COPS5: variants seen among roughly 807,000 people sequenced by gnomAD.
COPS5 encodes COP9 signalosome complex subunit 5.
A neutral mutation model predicts 44.4 loss-of-function variants in COPS5; 8 were observed. The ratio of observed to expected loss-of-function variants is 0.18; its 90% confidence interval spans 0.11 to 0.32. The LOEUF (loss-of-function observed/expected upper bound fraction) is 0.32. Ranked by LOEUF, COPS5 falls within the 10% of genes least tolerant of loss-of-function variation. The pLI is 1.00. For missense variants in COPS5, 159 were observed against 406.4 expected, an observed-to-expected ratio of 0.39 and a Z score of 5.23; for synonymous variants, 122 against 142.8, an observed-to-expected ratio of 0.85 and a Z score of 1.04.
intron 5 of COPS5, among the ~76,000 whole-genome samples, chr8:67,052,296 T>C (rs1423839860): frequency 6.6e-6 from 1 of 151,274 alleles, no homozygotes; most frequent in East Asian, 2.0e-4. Context: ...AGGAAAGACA[T>C]GTAAGAGATA....
chr8:67,043,455 T>C (rs936590292), intron 7 of COPS5, 138 bp from the exon 8 acceptor site: 2 of 525,790 alleles, frequency 3.8e-6, no homozygotes, highest in Admixed American at 7.9e-5. Flanking sequence ...AATCTGAAGT[T>C]TTCCCTTGTG....
At chr8:67,060,734 A>G in intron 1 of COPS5, 1 of 314,754 alleles carries the variant, frequency 3.2e-6, no homozygotes, top group Non-Finnish European at 6.3e-6. Flanking sequence ...CAGCTGTGAG[A>G]TTTGATCTTA....
intron 1 of COPS5, chr8:67,060,556 G>A (rs1804575319): frequency 8.0e-7 from 1 of 1,254,264 alleles, no homozygotes; most frequent in Non-Finnish European, 1.0e-6. Flanking sequence ...CTGGAGAAAA[G>A]AAGAAAGACA....
intron 5 of COPS5, among the ~76,000 whole-genome samples, chr8:67,054,050 A>G (rs1295868031): frequency 1.3e-5 from 2 of 152,050 alleles, no homozygotes; most frequent in Non-Finnish European, 2.9e-5. Context: ...CCAGGTTCAA[A>G]ATTCTAGTCT....
chr8:67,059,555 GGGAGT>G, intron 1 of COPS5, 110 bp from the exon 2 acceptor site: 1 of 777,174 alleles, frequency 1.3e-6, no homozygotes, highest in South Asian at 1.7e-5. Flanking sequence ...GCGATGGAAA[GGGAGT>G]GTAGACTACG....
At chr8:67,043,569 AG>A (rs1383738401) in intron 7 of COPS5, 1 of 283,688 alleles carries the variant, frequency 3.5e-6, no homozygotes, top group Non-Finnish European at 6.5e-6. Context: ...CTGTTTTAGA[AG>A]GTGAGTAAAA....
chr8:67,056,144 G>C (rs1031069739), intron 5 of COPS5, among the ~76,000 whole-genome samples: 1 of 151,968 alleles, frequency 6.6e-6, no homozygotes, highest in Non-Finnish European at 1.5e-5. Flanking sequence ...ATGCTAGTTT[G>C]AAACATTAAT....
intron 4 of COPS5, among the ~76,000 whole-genome samples, chr8:67,056,836 G>C (rs747527929): frequency 3.3e-5 from 5 of 150,826 alleles, no homozygotes; most frequent in Non-Finnish European, 5.9e-5. Flanking sequence ...CCCCCACCCA[G>C]TTTGGTGGCT....
At chr8:67,061,822 C>T (rs1255968733) in intron 1 of COPS5, 32 bp downstream of exon 1, 1 of 1,610,730 alleles carries the variant, frequency 6.2e-7, no homozygotes, top group Non-Finnish European at 8.5e-7. Flanking sequence ...CCACCCTTTC[C>T]CTCCCCTGCG....
Position 67,050,504 on chromosome 8 carries a change from T to C in COPS5, c.771+726A>G, listed in dbSNP as rs1224521668. Among the ~76,000 whole-genome samples the C allele has an allele frequency of 2.6e-5, 4 of 151,954 alleles. No individual in the cohort carries two copies. In the East Asian group the frequency reaches 5.8e-4, roughly 22 times the overall value. On this transcript the variant is annotated intron_variant, in intron 6 of 7. Transcript: ENST00000357849. ...ACCAGGCCTAAACATGGGCATGTGATTAAGTAAAGCCAGTCAGACACAATG... is the reference window on the plus strand; with the variant it reads ...ACCAGGCCTAAACATGGGCATGTGACTAAGTAAAGCCAGTCAGACACAATG...
At chr8:67,051,945 A>G (rs1180603186) in intron 5 of COPS5, among the ~76,000 whole-genome samples, 1 of 152,200 alleles carries the variant, frequency 6.6e-6, no homozygotes, top group African/African-American at 2.4e-5. Flanking sequence ...TCTTAAACTT[A>G]CACATGCTTC....
chr8:67,046,004 C>T, intron 6 of COPS5, 44 bp from the exon 7 acceptor site: 2 of 1,557,872 alleles, frequency 1.3e-6, no homozygotes, highest in Non-Finnish European at 1.8e-6. Context: ...CACAAGTCTA[C>T]CATTTAAAAA....
At chr8:67,046,020 ATATTT>A in intron 6 of COPS5, 60 bp from the exon 7 acceptor site, 1 of 1,485,818 alleles carries the variant, frequency 6.7e-7, no homozygotes, top group East Asian at 2.3e-5. Context: ...AAAAATCTGT[ATATTT>A]TAATGTAAAC....
intron 2 of COPS5, among the ~76,000 whole-genome samples, chr8:67,058,766 A>T (rs1182244696): frequency 6.6e-6 from 1 of 152,112 alleles, no homozygotes; most frequent in Non-Finnish European, 1.5e-5. Flanking sequence ...GCACTTTGGG[A>T]GGCTGAGGTG....
intron 4 of COPS5, 43 bp from the exon 5 acceptor site, chr8:67,056,647 AAAAAAATATATATATAT>A (rs1563447139): frequency 5.5e-5 from 5 of 91,410 alleles, no homozygotes; most frequent in Admixed American, 1.8e-4. Flanking sequence ...AAAAAAAAAA[AAAAAAATATATATATAT>A]ATATATATAT....
chr8:67,045,798 A>G lies in COPS5; in HGVS notation c.920+14T>C. 2 of 1,613,720 alleles carry G rather than the reference A, an allele frequency of 1.2e-6. No homozygotes were observed. The highest frequency in any genetic ancestry group is 1.1e-5 in the South Asian group (1 of 91,052). ...GAGTTAGGGGCAACAGGAATCTTAT[A>G]GATTTACTCTTACCTGTCTCTTGTA... On this transcript the variant is annotated intron_variant, in intron 7 of 7. Coordinates refer to ENST00000357849, the MANE Select transcript of COPS5 (RefSeq NM_006837.3).
chr8:67,046,960 T>C (rs16933147), intron 6 of COPS5, among the ~76,000 whole-genome samples: 18,652 of 151,974 alleles, frequency 0.12, 2,236 homozygotes, highest in African/African-American at 0.31. Context: ...TAGCTATAAC[T>C]GCAACTAAAG....
intron 4 of COPS5, among the ~76,000 whole-genome samples, chr8:67,057,036 T>C (rs1804524286): frequency 6.6e-6 from 1 of 152,184 alleles, no homozygotes; most frequent in African/African-American, 2.4e-5. Flanking sequence ...AAAGACTGCT[T>C]TTCCAGTAAA....
At chr8:67,057,978 G>A in intron 3 of COPS5, 105 bp downstream of exon 3, 3 of 1,219,200 alleles carry the variant, frequency 2.5e-6, no homozygotes, top group Non-Finnish European at 3.5e-6. Flanking sequence ...TAGGCAGACT[G>A]ATACCAGAGC....
Sources: gnomAD v4.1 joint callset for allele counts (sites outside exome capture counted in the v4.1 genomes callset) on GRCh38, gnomAD v4.1.1 for gene constraint, MANE v1.5 for transcripts, NCBI Gene and HGNC (gene_info 2026-07-23, HGNC 2026-07-21) for gene names.